CCDC198: variants seen among roughly 807,000 people sequenced by gnomAD.
CCDC198 encodes coiled-coil domain containing 198.
In CCDC198, 18 loss-of-function variants were observed where a neutral mutation model predicts 35.6. The observed-to-expected ratio is 0.51, with a 90% CI of 0.35 to 0.75. The LOEUF is 0.75. CCDC198 is among the 30% of genes least tolerant of loss of function. CCDC198 has a pLI of 0.01. For synonymous variants in CCDC198, 119 were observed against 113.4 expected, an observed-to-expected ratio of 1.05 and a Z score of -0.31; for missense variants, 365 against 343.7, an observed-to-expected ratio of 1.06 and a Z score of -0.49.
Position 57,471,027 on chromosome 14 carries a change from T to G in CCDC198, c.*328A>C. ...TGGGGCCTCTGGATGACTCCAGTCT[T>G]AGTAGTCCAAATGTAGTCCAATTTC... On this transcript the variant is annotated 3_prime_UTR_variant, in exon 6 of 6. Coordinates refer to ENST00000216445, the MANE Select transcript of CCDC198 (RefSeq NM_018168.4). The G allele has an allele frequency of 4.1e-6, 1 of 241,276 alleles. No individual in the cohort carries two copies. The highest frequency in any genetic ancestry group is 8.1e-6 in the Non-Finnish European group (1 of 123,502). The allele number at this position is 241,276 out of a possible 1,614,324, so 14.9% of individuals were successfully genotyped here. A position where few individuals can be genotyped will look rare whatever the true frequency, so the allele number is the denominator to read the frequency against.
At chr14:57,486,216 G>A (rs1292317930) in intron 2 of CCDC198, among the ~76,000 whole-genome samples, 1 of 152,144 alleles carries the variant, frequency 6.6e-6, no homozygotes, top group East Asian at 1.9e-4. Flanking sequence ...TTCTCATTAG[G>A]CCTATATGCC....
In CCDC198 at chr14:57,471,508, C is replaced by A. The variant is rs201420652; in HGVS notation, c.738G>T (p.Trp246Cys). Residue 246 changes from tryptophan (W) to cysteine (C), a missense_variant, in exon 6 of 6, where the codon TGG (tryptophan) becomes TGT (cysteine). Transcript: ENST00000216445. ...GTCCCTGGGCCTCTTGTTCATGAAG[C>A]CATGTTTCCATTTTGCCAATTTTCC... ...CPWKIGKMETWLHEQEAQGQL... is the reference protein window; with the variant it reads ...CPWKIGKMETCLHEQEAQGQL... The A allele has an allele frequency of 6.2e-7, 1 of 1,613,568 alleles. No homozygotes were observed. The highest frequency in any genetic ancestry group is 8.5e-7 in the Non-Finnish European group (1 of 1,179,656).
intron 5 of CCDC198, among the ~76,000 whole-genome samples, chr14:57,479,401 G>A (rs2067110726): frequency 6.6e-6 from 1 of 152,126 alleles, no homozygotes; most frequent in Non-Finnish European, 1.5e-5. Flanking sequence ...ATGTTAAGGA[G>A]TTTAGATGTT....
chr14:57,479,569 A>T (rs1165273659), intron 5 of CCDC198, among the ~76,000 whole-genome samples: 1 of 152,186 alleles, frequency 6.6e-6, no homozygotes, highest in Non-Finnish European at 1.5e-5. Context: ...GCAGGTTCTC[A>T]TTCAGTAGGT....
chr14:57,472,240 C>A (rs1239067063), intron 5 of CCDC198, among the ~76,000 whole-genome samples: 1 of 152,104 alleles, frequency 6.6e-6, no homozygotes, highest in African/African-American at 2.4e-5. Context: ...GAATACTCTT[C>A]TACCCTTTTC....
intron 2 of CCDC198, chr14:57,483,389 G>T (rs1403972058): frequency 2.0e-6 from 1 of 505,778 alleles, no homozygotes; most frequent in Non-Finnish European, 3.5e-6. Flanking sequence ...CTAAGTGTTG[G>T]TCAGAGAGTT....
intron 5 of CCDC198, chr14:57,480,371 T>C (rs972438231): frequency 1.1e-5 from 10 of 898,374 alleles, no homozygotes; most frequent in Non-Finnish European, 1.2e-5. Context: ...ATTAAACCCA[T>C]ACAAAGAAAG....
chr14:57,478,451 C>A, intron 5 of CCDC198: 1 of 985,238 alleles, frequency 1.0e-6, no homozygotes. Context: ...TTATAGTAAG[C>A]ACTCAACAAA....
intron 2 of CCDC198, among the ~76,000 whole-genome samples, chr14:57,487,879 T>C (rs949452768): frequency 3.3e-5 from 5 of 152,182 alleles, no homozygotes; most frequent in African/African-American, 1.2e-4. Flanking sequence ...GTGAAGATAA[T>C]TATAGCTGAT....
intron 2 of CCDC198, among the ~76,000 whole-genome samples, chr14:57,489,953 T>G (rs2067503535): frequency 6.6e-6 from 1 of 152,160 alleles, no homozygotes; most frequent in African/African-American, 2.4e-5. Flanking sequence ...TTATATTTCA[T>G]TTTATTTTTC....
intron 2 of CCDC198, among the ~76,000 whole-genome samples, chr14:57,490,733 T>A (rs1320089295): frequency 6.6e-6 from 1 of 152,172 alleles, no homozygotes; most frequent in Non-Finnish European, 1.5e-5. Flanking sequence ...CAGTGCTAGA[T>A]TCAAGCCTCT....
At chr14:57,493,143 C>T (rs919535379) in intron 1 of CCDC198, among the ~76,000 whole-genome samples, 9 of 152,224 alleles carry the variant, frequency 5.9e-5, no homozygotes, top group Admixed American at 2.6e-4. Context: ...CTAACTGAAA[C>T]GCGATTGCTA....
At chr14:57,487,911 G>T (rs1261784528) in intron 2 of CCDC198, among the ~76,000 whole-genome samples, 1 of 152,128 alleles carries the variant, frequency 6.6e-6, no homozygotes, top group African/African-American at 2.4e-5. Flanking sequence ...TGTCTGCCAA[G>T]TTTCTAGTGA....
intron 1 of CCDC198, among the ~76,000 whole-genome samples, chr14:57,492,134 A>C (rs538284888): frequency 6.6e-6 from 1 of 152,014 alleles, no homozygotes; most frequent in Non-Finnish European, 1.5e-5. Context: ...ATTTTCCTCA[A>C]CTGGCATAGG....
rs1291935174 is a variant in CCDC198 at position 57,471,229 on chromosome 14, A to G, written c.*126T>C. The stretch of plus-strand genomic sequence containing the variant: ...CGGACTTGTTAATCATAAGACTCTA[A>G]AGATATCATTTCTTTTTACCAAAGT... On this transcript the variant is annotated 3_prime_UTR_variant, in exon 6 of 6. Coordinates refer to ENST00000216445, the MANE Select transcript of CCDC198 (RefSeq NM_018168.4). 1 of 687,808 alleles carries G rather than the reference A, an allele frequency of 1.5e-6. No homozygotes were observed. Among genetic ancestry groups the G allele is most frequent in the East Asian group, 2.7e-5 (1 of 36,414 alleles). The allele number at this position is 687,808 out of a possible 1,614,324, so 42.6% of individuals were successfully genotyped here.
chr14:57,491,917 C>A (rs532115126), intron 1 of CCDC198, among the ~76,000 whole-genome samples: 1 of 152,192 alleles, frequency 6.6e-6, no homozygotes, highest in South Asian at 2.1e-4. Context: ...ATGTGAATAA[C>A]CACTTCAAGG....
chr14:57,481,031 T>G (rs2067164840), intron 4 of CCDC198, among the ~76,000 whole-genome samples: 1 of 152,208 alleles, frequency 6.6e-6, no homozygotes, highest in Admixed American at 6.5e-5. Flanking sequence ...CTAGCTGATA[T>G]GATTGGAGTT....
chr14:57,472,865 C>G (rs2066864206), intron 5 of CCDC198, among the ~76,000 whole-genome samples: 1 of 152,098 alleles, frequency 6.6e-6, no homozygotes, highest in African/African-American at 2.4e-5. Flanking sequence ...GGAGCTGAAA[C>G]AAAAATCCTA....
intron 5 of CCDC198, chr14:57,475,803 T>TG (rs2066975252): frequency 3.4e-6 from 1 of 294,896 alleles, no homozygotes; most frequent in South Asian, 2.4e-5. Flanking sequence ...TTTTTTTTTT[T>TG]TTTTTTTTTT....
Sources: allele counts gnomAD v4.1 joint callset (sites outside exome capture counted in the v4.1 genomes callset), GRCh38; gene constraint gnomAD v4.1.1; transcripts MANE v1.5; gene names NCBI Gene and HGNC (gene_info 2026-07-23, HGNC 2026-07-21).